ASTN2: variants seen among roughly 807,000 people sequenced by gnomAD.
The protein encoded by ASTN2 is astrotactin-2.
Under a neutral mutation model 139.8 loss-of-function variants are expected in ASTN2, and 54 were observed. The ratio of observed to expected loss-of-function variants is 0.39; its 90% CI spans 0.31 to 0.48. The LOEUF (loss-of-function observed/expected upper bound fraction) is 0.48. ASTN2 is among the 20% of genes least tolerant of loss of function. The pLI, the probability that ASTN2 is intolerant of heterozygous loss-of-function variation, is 0.95. For synonymous variants in ASTN2, 756 were observed against 719.5 expected (o/e 1.05, Z -0.81); for missense variants, 1,565 against 1,725.1 (o/e 0.91, Z 1.64).
intron 2 of ASTN2, among the ~76,000 whole-genome samples, chr9:117,271,635 T>C (rs1834067138): frequency 6.6e-6 from 1 of 152,104 alleles, no homozygotes; most frequent in Non-Finnish European, 1.5e-5. Context: ...CTAGACACAA[T>C]GGGGTACAGA....
At chr9:117,182,837 C>T (rs1045010911) in intron 3 of ASTN2, among the ~76,000 whole-genome samples, 2 of 152,192 alleles carry the variant, frequency 1.3e-5, no homozygotes, top group Non-Finnish European at 2.9e-5. Flanking sequence ...GTTTGAGCCA[C>T]ATTGGCCTTC....
intron 19 of ASTN2, among the ~76,000 whole-genome samples, chr9:116,495,668 A>G (rs760570124): frequency 1.1e-4 from 16 of 152,350 alleles, no homozygotes; most frequent in Non-Finnish European, 1.0e-4. Flanking sequence ...TTTATAAATG[A>G]AAAAATAATG....
intron 10 of ASTN2, among the ~76,000 whole-genome samples, chr9:116,891,942 T>G (rs1253914601): frequency 1.3e-5 from 2 of 152,212 alleles, no homozygotes; most frequent in Non-Finnish European, 2.9e-5. Flanking sequence ...TATTACCTAC[T>G]ATAACTGCTA....
intron 19 of ASTN2, among the ~76,000 whole-genome samples, chr9:116,549,400 C>T (rs1442648024): frequency 1.3e-5 from 2 of 152,204 alleles, no homozygotes; most frequent in Non-Finnish European, 2.9e-5. Context: ...GTCAGGGCAG[C>T]TCTGAGCCAC....
chr9:116,971,071 G>C (rs1836182086), intron 10 of ASTN2, among the ~76,000 whole-genome samples: 1 of 152,130 alleles, frequency 6.6e-6, no homozygotes. Context: ...GCAGAGGTGG[G>C]CTGTATTTAT....
At chr9:116,617,095 G>A (rs1422263443) in intron 19 of ASTN2, among the ~76,000 whole-genome samples, 1 of 152,154 alleles carries the variant, frequency 6.6e-6, no homozygotes, top group African/African-American at 2.4e-5. Context: ...TGTGGAAAAA[G>A]CCACATTAAT....
intron 17 of ASTN2, among the ~76,000 whole-genome samples, chr9:116,632,962 T>C (rs2131868140): frequency 6.6e-6 from 1 of 152,350 alleles, no homozygotes. Context: ...GTTTGTTGTA[T>C]GAACGCCTGT....
chr9:116,581,069 G>A (rs1853930122), intron 19 of ASTN2, among the ~76,000 whole-genome samples: 1 of 152,148 alleles, frequency 6.6e-6, no homozygotes, highest in Admixed American at 6.5e-5. Context: ...TGGCAGAAAT[G>A]AGCCTTAGTG....
chr9:116,436,256 A>G (rs1381507379), intron 22 of ASTN2, among the ~76,000 whole-genome samples: 1 of 152,198 alleles, frequency 6.6e-6, no homozygotes, highest in Non-Finnish European at 1.5e-5. Context: ...ATGGAATTCA[A>G]TTGTTTCCAT....
chr9:117,343,350 C>T (rs1399674989), intron 1 of ASTN2, among the ~76,000 whole-genome samples: 1 of 152,178 alleles, frequency 6.6e-6, no homozygotes, highest in Non-Finnish European at 1.5e-5. Flanking sequence ...ACATAGCTTA[C>T]TCATGCTGAA....
At chr9:117,006,331 T>C (rs994295283) in intron 7 of ASTN2, among the ~76,000 whole-genome samples, 3 of 152,136 alleles carry the variant, frequency 2.0e-5, no homozygotes, top group Non-Finnish European at 4.4e-5. Flanking sequence ...ACCCTGACCT[T>C]CCCACTGCAT....
intron 10 of ASTN2, among the ~76,000 whole-genome samples, chr9:116,957,016 G>A (rs1373435994): frequency 6.6e-6 from 1 of 150,946 alleles, no homozygotes; most frequent in African/African-American, 2.4e-5. Flanking sequence ...AGGATGTACT[G>A]ATTCAATGCA....
chr9:116,662,286 T>C lies in ASTN2; in HGVS notation c.2807-10493A>G, dbSNP rs548831165. 5.3e-5 allele frequency among the ~76,000 whole-genome samples: 8 copies of C among 152,170 alleles called. No individual in the cohort carries two copies. The South Asian group carries it at 1.7e-3, about 32-fold the overall frequency. Reference sequence around the variant, plus strand: ...AATATAAAGTTGTTGAGATTTAAGATAACGGGCTGGGTGCAGTGGCTCATG... The same window carrying C: ...AATATAAAGTTGTTGAGATTTAAGACAACGGGCTGGGTGCAGTGGCTCATG... On this transcript the variant is annotated intron_variant, in intron 16 of 22. Coordinates refer to ENST00000313400, the MANE Select transcript of ASTN2 (RefSeq NM_001365068.1).
chr9:116,698,723 G>C lies in ASTN2; in HGVS notation c.2806+27048C>G. 6.2e-7 allele frequency: 1 copy of C among 1,614,190 alleles called. No individual in the cohort carries two copies. Among genetic ancestry groups the C allele is most frequent in the Non-Finnish European group, 8.5e-7 (1 of 1,180,040 alleles). On this transcript the variant is annotated intron_variant, in intron 16 of 22. Coordinates refer to ENST00000313400, the MANE Select transcript of ASTN2 (RefSeq NM_001365068.1). The surrounding 1 kb of genome is among the most constrained non-coding windows in gnomAD (Gnocchi z 4.4). Reference sequence around the variant, plus strand: ...CTGTTACTTTTAGAGAGATGGACATGAGCCCGGAGGAAGTGGTTGCCAGCC... The same window carrying C: ...CTGTTACTTTTAGAGAGATGGACATCAGCCCGGAGGAAGTGGTTGCCAGCC...
intron 7 of ASTN2, among the ~76,000 whole-genome samples, chr9:116,995,779 C>T (rs989692022): frequency 8.1e-4 from 124 of 152,226 alleles, no homozygotes; most frequent in African/African-American, 2.9e-3. Flanking sequence ...GAGACGATAA[C>T]ACTATTTCAT....
At chr9:117,396,733 T>G (rs1830685966) in intron 1 of ASTN2, among the ~76,000 whole-genome samples, 1 of 150,870 alleles carries the variant, frequency 6.6e-6, no homozygotes, top group Non-Finnish European at 1.5e-5. Flanking sequence ...GCCCAGCTAA[T>G]TTTTGTATTT....
chr9:117,415,007 C>T lies in ASTN2; in HGVS notation c.-69G>A, dbSNP rs1051226187. The T allele has an allele frequency of 1.5e-5, 3 of 193,708 alleles. No homozygotes were observed. Among genetic ancestry groups the T allele is most frequent in the South Asian group, 1.6e-4 (1 of 6,146 alleles). 12.0% of individuals were successfully genotyped at this position (193,708 alleles called of 1,614,324 possible). ...GCGGTGGCGAAGGAGGAAGAGGAGG[C>T]AGCTGCGGAGACGGCGGACGCCGAA... is the stretch of plus-strand genomic sequence containing the variant. On this transcript the variant is annotated 5_prime_UTR_variant, in exon 1 of 23. Transcript: ENST00000313400.
At chr9:117,316,304 G>A (rs1291935169) in intron 1 of ASTN2, among the ~76,000 whole-genome samples, 1 of 152,136 alleles carries the variant, frequency 6.6e-6, no homozygotes, top group Non-Finnish European at 1.5e-5. Flanking sequence ...CTAATAAACT[G>A]AGGATAATTA....
chr9:117,389,046 C>T (rs1171037868), intron 1 of ASTN2, among the ~76,000 whole-genome samples: 3 of 152,138 alleles, frequency 2.0e-5, no homozygotes, highest in African/African-American at 7.2e-5. Flanking sequence ...TATGCGTGTG[C>T]CTTTCACTTC....
Sources: gnomAD v4.1 joint callset for allele counts (sites outside exome capture counted in the v4.1 genomes callset) on GRCh38, gnomAD v4.1.1 for gene constraint, Gnocchi (gnomAD v3.1) non-coding constraint, MANE v1.5 for transcripts, NCBI Gene and HGNC (gene_info 2026-07-23, HGNC 2026-07-21) for gene names.